The following ADAM22 variants were observed in gnomAD, a reference collection of about 807,000 sequenced individuals.
ADAM22 encodes ADAM metallopeptidase domain 22.
Under a neutral mutation model 144.6 loss-of-function variants are expected in ADAM22, and 65 were observed. The ratio of observed to expected loss-of-function variants is 0.45; its 90% CI spans 0.37 to 0.55. The LOEUF is 0.55. Ranked by LOEUF, ADAM22 falls within the 20% of genes least tolerant of loss-of-function variation. The pLI is 0.00. For synonymous variants in ADAM22, 391 were observed against 412.6 expected (o/e 0.95, Z 0.63); for missense variants, 974 against 1,184.9 (o/e 0.82, Z 2.61).
At chr7:88,191,471 G>A (rs753725018) in intron 30 of ADAM22, among the ~76,000 whole-genome samples, 8 of 152,226 alleles carry the variant, frequency 5.3e-5, no homozygotes, top group Non-Finnish European at 1.0e-4. Context: ...TTTATCAGTA[G>A]TGATTAGGCT....
At chr7:88,031,617 C>T (rs1800279335) in intron 3 of ADAM22, among the ~76,000 whole-genome samples, 1 of 152,224 alleles carries the variant, frequency 6.6e-6, no homozygotes, top group South Asian at 2.1e-4. Context: ...CTTCTTCTTA[C>T]CATGTATGCT....
chr7:87,966,998 A>G (rs976499614), intron 2 of ADAM22, among the ~76,000 whole-genome samples: 1 of 151,874 alleles, frequency 6.6e-6, no homozygotes, highest in African/African-American at 2.4e-5. Flanking sequence ...TGCTATTCTC[A>G]TGATAGTGAG....
chr7:88,146,128 C>G (rs921004373), intron 17 of ADAM22, among the ~76,000 whole-genome samples: 2 of 152,176 alleles, frequency 1.3e-5, no homozygotes, highest in Admixed American at 1.3e-4. Flanking sequence ...CTTACTTCCC[C>G]TAAAGAAATC....
chr7:88,158,166 G>T (rs1038584411), intron 22 of ADAM22, among the ~76,000 whole-genome samples: 2 of 152,052 alleles, frequency 1.3e-5, no homozygotes, highest in African/African-American at 4.8e-5. Flanking sequence ...AGGGCATTAT[G>T]TAATGGTAGA....
intron 26 of ADAM22, among the ~76,000 whole-genome samples, chr7:88,174,775 T>C (rs1845226833): frequency 6.6e-6 from 1 of 152,154 alleles, no homozygotes; most frequent in African/African-American, 2.4e-5. Context: ...ATGGTTTCAC[T>C]TTAAGCAGAA....
rs190106292 is a variant in ADAM22, at chr7:87,961,273, A to T, written c.247-17063A>T. Among the ~76,000 whole-genome samples the T allele has an allele frequency of 1.5e-4, 23 of 152,280 alleles. No homozygotes were observed. In the East Asian group the frequency reaches 4.4e-3, roughly 29 times the overall value. On this transcript the variant is annotated intron_variant, in intron 2 of 31. Transcript: ENST00000413139. ...CCCCAAGGCCAGAGTATATCGGTCA[A>T]ATATGAATAACAAGATGACTGCTCC...
chr7:88,065,470 T>C (rs1810994420), intron 3 of ADAM22, among the ~76,000 whole-genome samples: 1 of 152,064 alleles, frequency 6.6e-6, no homozygotes, highest in East Asian at 1.9e-4. Context: ...ATGTTTATTA[T>C]AGACATTTTA....
intron 5 of ADAM22, among the ~76,000 whole-genome samples, chr7:88,114,262 G>A (rs1029219666): frequency 1.3e-5 from 2 of 152,096 alleles, no homozygotes; most frequent in Non-Finnish European, 2.9e-5. Context: ...AAAGAGCTGC[G>A]TTTTTACTAG....
intron 3 of ADAM22, among the ~76,000 whole-genome samples, chr7:88,031,032 C>T (rs953506969): frequency 1.3e-5 from 2 of 152,158 alleles, no homozygotes; most frequent in East Asian, 1.9e-4. Context: ...AGGAGAATGG[C>T]GTGAACCTGG....
chr7:88,081,176 C>T (rs1354343588), intron 4 of ADAM22, among the ~76,000 whole-genome samples: 1 of 152,098 alleles, frequency 6.6e-6, no homozygotes, highest in Admixed American at 6.5e-5. Flanking sequence ...GGATGCAAGG[C>T]TGGTTCAACA....
intron 29 of ADAM22, among the ~76,000 whole-genome samples, chr7:88,183,925 A>G (rs1408606260): frequency 6.6e-6 from 1 of 151,916 alleles, no homozygotes; most frequent in African/African-American, 2.4e-5. Context: ...TATGTTTGCA[A>G]ACTTTTAATA....
intron 14 of ADAM22, among the ~76,000 whole-genome samples, chr7:88,142,576 CA>C (rs1835011752): frequency 6.6e-6 from 1 of 152,172 alleles, no homozygotes; most frequent in Non-Finnish European, 1.5e-5. Context: ...TGGTGGCTCA[CA>C]CCTGTAATCC....
intron 3 of ADAM22, among the ~76,000 whole-genome samples, chr7:88,010,122 T>G (rs1178113905): frequency 6.6e-6 from 1 of 152,162 alleles, no homozygotes; most frequent in Non-Finnish European, 1.5e-5. Flanking sequence ...GAAGAGGCTC[T>G]TAGGTTCTTG....
At position 88,081,425 on chromosome 7, in the gene ADAM22, C is replaced by T. The variant is rs545144874; in HGVS notation, c.390+5733C>T. 1.0e-3 allele frequency among the ~76,000 whole-genome samples: 153 copies of T among 152,200 alleles called. No homozygotes were observed. In the Middle Eastern group the frequency reaches 0.01, roughly 10 times the overall value. On this transcript the variant is annotated intron_variant, in intron 4 of 31. Coordinates refer to ENST00000413139, the MANE Select transcript of ADAM22 (RefSeq NM_001324418.2). The stretch of plus-strand genomic sequence containing the variant: ...AACTGGAAGCATTCCCTTTGAAAAC[C>T]GGCACAAGACAGGGATGCCCTCTCT...
At chr7:88,033,838 C>T (rs987277549) in intron 3 of ADAM22, among the ~76,000 whole-genome samples, 8 of 152,130 alleles carry the variant, frequency 5.3e-5, no homozygotes, top group Non-Finnish European at 7.4e-5. Context: ...CACAGGCCCA[C>T]GTGGAGTACT....
chr7:87,955,874 T>G (rs1846575913), intron 2 of ADAM22, among the ~76,000 whole-genome samples: 1 of 152,184 alleles, frequency 6.6e-6, no homozygotes, highest in African/African-American at 2.4e-5. Context: ...TGCAGTTTGA[T>G]CTCAGACTGC....
chr7:88,179,827 T>C (rs1029448510), intron 27 of ADAM22, among the ~76,000 whole-genome samples: 1 of 152,132 alleles, frequency 6.6e-6, no homozygotes, highest in South Asian at 2.1e-4. Context: ...TATGTTCACA[T>C]TGAAGGAAGC....
chr7:88,148,514 G>A (rs1036509656), intron 17 of ADAM22, among the ~76,000 whole-genome samples: 12 of 152,100 alleles, frequency 7.9e-5, no homozygotes, highest in Non-Finnish European at 1.3e-4. Flanking sequence ...AATGAGGCAG[G>A]GGAGAAGAAG....
At chr7:88,167,561 T>A (rs1408027514) in intron 24 of ADAM22, among the ~76,000 whole-genome samples, 1 of 152,064 alleles carries the variant, frequency 6.6e-6, no homozygotes, top group African/African-American at 2.4e-5. Context: ...GGGGTTTCCT[T>A]CTCTAGAATG....
Sources: gnomAD v4.1 joint callset for allele counts (sites outside exome capture counted in the v4.1 genomes callset) on GRCh38, gnomAD v4.1.1 for gene constraint, MANE v1.5 for transcripts, NCBI Gene and HGNC (gene_info 2026-07-23, HGNC 2026-07-21) for gene names.